Variants in JMJD1C observed in about 807,000 individuals in gnomAD.
The protein encoded by JMJD1C is jumonji domain containing 1C, also known as jumonji domain-containing protein 1C.
A neutral mutation model predicts 245.3 loss-of-function variants in JMJD1C; 31 were observed. The observed-to-expected ratio is 0.13, with a 90% CI of 0.09 to 0.17. The LOEUF (loss-of-function observed/expected upper bound fraction) is 0.17, where lower values mean the gene tolerates loss of function less well. Ranked by LOEUF, JMJD1C falls within the 10% of genes least tolerant of loss-of-function variation. The pLI, the probability that JMJD1C is intolerant of heterozygous loss-of-function variation, is 1.00. For missense variants in JMJD1C, 2,691 were observed against 3,000.2 expected (o/e 0.90, Z 2.41); for synonymous variants, 1,057 against 1,017.4 (o/e 1.04, Z -0.74).
chr10:63,386,483 C>T (rs999990290), intron 1 of JMJD1C, among the ~76,000 whole-genome samples: 2 of 152,216 alleles, frequency 1.3e-5, no homozygotes, highest in Middle Eastern at 6.4e-3. Flanking sequence ...AACCTGAGGA[C>T]GGGTCTGCTC....
At chr10:63,360,742 G>A (rs1455219747) in intron 2 of JMJD1C, among the ~76,000 whole-genome samples, 4 of 152,038 alleles carry the variant, frequency 2.6e-5, no homozygotes, top group Non-Finnish European at 5.9e-5. Context: ...TACCACAAAA[G>A]TTACATGTTT....
At chr10:63,288,477 T>A (rs1407674205) in intron 2 of JMJD1C, among the ~76,000 whole-genome samples, 1 of 152,212 alleles carries the variant, frequency 6.6e-6, no homozygotes, top group Non-Finnish European at 1.5e-5. Flanking sequence ...GGTTTTGGGG[T>A]AGATGTGTTT....
chr10:63,360,146 T>C (rs527308815), intron 2 of JMJD1C, among the ~76,000 whole-genome samples: 3 of 152,186 alleles, frequency 2.0e-5, no homozygotes, highest in Admixed American at 6.5e-5. Context: ...CCCCCATCTC[T>C]TAAAAAAATT....
chr10:63,465,635 C>T lies in JMJD1C; in HGVS notation c.28G>A (p.Val10Met). ...GCCACACACAGGAACCGCTTACCCA[C>T]CAGCTCTGCCCGCGTCTCTACCGCC... MAVETRAELVGKRFLCVAVG... is the reference protein window; with the variant it reads MAVETRAELMGKRFLCVAVG... Residue 10 changes from valine to methionine, a missense_variant, in exon 1 of 26, where the codon GTG (valine) becomes ATG (methionine). This residue lies in a region of JMJD1C where 135 missense variants were observed against 115.5 expected (regional missense o/e 1.17). Transcript: ENST00000399262. 4.3e-6 allele frequency: 7 copies of T among 1,609,872 alleles called. No homozygotes were observed. The highest frequency in any genetic ancestry group is 5.9e-6 in the Non-Finnish European group (7 of 1,179,896).
rs1841960886 is a variant in JMJD1C, at chr10:63,167,469, TAC to T, written c.*574_*575del. 6.6e-6 allele frequency: 1 copy of T among 152,660 alleles called. No individual in the cohort carries two copies. The highest frequency in any genetic ancestry group is 2.1e-4 in the South Asian group (1 of 4,830). 9.5% of individuals were successfully genotyped at this position (152,660 alleles called of 1,614,324 possible). A position where few individuals can be genotyped will look rare whatever the true frequency, so the allele number is the denominator to read the frequency against. ...TACACCTTTTGAAAATGTTTAATTG[TAC>T]AGTCAATAGCTTCAACAAAATATTG... On this transcript the variant is annotated 3_prime_UTR_variant, in exon 26 of 26. Transcript: ENST00000399262.
chr10:63,381,733 A>G (rs550687022), intron 1 of JMJD1C, among the ~76,000 whole-genome samples: 4 of 152,214 alleles, frequency 2.6e-5, no homozygotes, highest in African/African-American at 4.8e-5. Context: ...TAAAACCATC[A>G]TTTAACTTCC....
chr10:63,500,762 T>TGGATGGATGGAC (rs1479524971), intron 1 of JMJD1C, among the ~76,000 whole-genome samples: 1 of 147,768 alleles, frequency 6.8e-6, no homozygotes, highest in Non-Finnish European at 1.5e-5. Context: ...GATGGATGGA[T>TGGATGGATGGAC]GGATGGATGG....
intron 3 of JMJD1C, among the ~76,000 whole-genome samples, chr10:63,229,383 A>G (rs1371076099): frequency 6.6e-6 from 1 of 152,126 alleles, no homozygotes; most frequent in Non-Finnish European, 1.5e-5. Context: ...CACACTGCCT[A>G]CAGGGTAGCC....
chr10:63,284,900 CACACACA>C (rs1564734245), intron 2 of JMJD1C, among the ~76,000 whole-genome samples: 1 of 124,292 alleles, frequency 8.0e-6, no homozygotes, highest in Non-Finnish European at 1.8e-5. Context: ...CACACACACA[CACACACA>C]TTCTCTCTAC....
intron 2 of JMJD1C, among the ~76,000 whole-genome samples, chr10:63,303,311 T>C (rs1265657723): frequency 2.0e-5 from 3 of 152,194 alleles, no homozygotes; most frequent in Admixed American, 1.3e-4. Flanking sequence ...TTTTTGTTGA[T>C]GTTGTTGTTG....
At chr10:63,405,078 A>C (rs1949087839) in intron 1 of JMJD1C, among the ~76,000 whole-genome samples, 1 of 152,220 alleles carries the variant, frequency 6.6e-6, no homozygotes, top group Admixed American at 6.5e-5. Context: ...TCCTTATAAA[A>C]ATACTACCAT....
intron 18 of JMJD1C, 42 bp from the exon 19 acceptor site, chr10:63,186,425 ACTTT>A (rs1844130078): frequency 3.4e-6 from 5 of 1,464,526 alleles, no homozygotes; most frequent in East Asian, 4.8e-5. Flanking sequence ...AGATATATAG[ACTTT>A]CTTTTTTGTT....
chr10:63,206,319 C>A (rs1387605321), intron 10 of JMJD1C, among the ~76,000 whole-genome samples: 5 of 152,058 alleles, frequency 3.3e-5, no homozygotes, highest in African/African-American at 1.2e-4. Context: ...CTAAATTCCA[C>A]GTTAAATTAC....
chr10:63,230,729 C>A (rs529363778), intron 3 of JMJD1C, among the ~76,000 whole-genome samples: 22 of 151,684 alleles, frequency 1.5e-4, no homozygotes, highest in African/African-American at 4.6e-4. Context: ...GAGACAAGAT[C>A]ATGTTACTGT....
intron 1 of JMJD1C, among the ~76,000 whole-genome samples, chr10:63,394,844 C>CAAAA (rs35359377): frequency 7.9e-6 from 1 of 127,018 alleles, no homozygotes; most frequent in Non-Finnish European, 1.6e-5. Context: ...AACTCCATCA[C>CAAAA]AAAAAAAAAA....
chr10:63,211,841 AAAAAAAC>A, intron 8 of JMJD1C, among the ~76,000 whole-genome samples: 1 of 150,866 alleles, frequency 6.6e-6, no homozygotes, highest in Non-Finnish European at 1.5e-5. Context: ...AAAAAAAAAA[AAAAAAAC>A]CCCACAAAAA....
chr10:63,442,308 G>A (rs968032274), intron 1 of JMJD1C, among the ~76,000 whole-genome samples: 1 of 152,082 alleles, frequency 6.6e-6, no homozygotes, highest in Non-Finnish European at 1.5e-5. Flanking sequence ...ATAAATCTAG[G>A]ATACCAGAGA....
intron 2 of JMJD1C, among the ~76,000 whole-genome samples, chr10:63,328,635 C>T (rs1046133516): frequency 2.0e-5 from 3 of 152,180 alleles, no homozygotes; most frequent in Non-Finnish European, 4.4e-5. Flanking sequence ...GAACAACTTT[C>T]ATCTGAAACT....
rs1348800102 is a variant in JMJD1C at position 63,207,250 on chromosome 10, G to A, written c.4419C>T (p.Phe1473=). The change falls in exon 10 of 26, where the codon TTC becomes TTT. Residue 1473 remains phenylalanine, a synonymous_variant. Transcript: ENST00000399262. ...AATGGATAAAATCAGTTGTGCCTGA[G>A]AACCCAGAACTGGGTTGAACAACAC... ...TGSVVQPSSG[F]SGTTDFIHLK... The A allele has an allele frequency of 6.2e-7, 1 of 1,613,902 alleles. No homozygotes were observed. Among genetic ancestry groups the A allele is most frequent in the African/African-American group, 1.3e-5 (1 of 74,930 alleles).
Sources: gnomAD v4.1 joint callset for allele counts (sites outside exome capture counted in the v4.1 genomes callset) on GRCh38, gnomAD v4.1.1 for gene constraint, gnomAD v4.1.1 regional missense constraint, MANE v1.5 for transcripts, NCBI Gene and HGNC (gene_info 2026-07-23, HGNC 2026-07-21) for gene names.